The following TTC21B variants were observed in gnomAD, a reference collection of about 807,000 sequenced individuals.
The protein encoded by TTC21B is tetratricopeptide repeat protein 21B.
A neutral mutation model predicts 175.1 loss-of-function variants in TTC21B; 127 were observed. The ratio of observed to expected loss-of-function variants is 0.73; its 90% confidence interval spans 0.63 to 0.84. TTC21B has a LOEUF of 0.84. Among genes scored for constraint, TTC21B ranks in the 40% least tolerant of loss-of-function variants. TTC21B has a pLI of 0.00. For synonymous variants in TTC21B, 524 were observed against 524.5 expected, an observed-to-expected ratio of 1.00 and a Z score of 0.01; for missense variants, 1,561 against 1,558.3, an observed-to-expected ratio of 1.00 and a Z score of -0.03.
chr2:165,937,978 G>C (rs956918991), intron 6 of TTC21B, among the ~76,000 whole-genome samples: 3 of 151,972 alleles, frequency 2.0e-5, no homozygotes, highest in African/African-American at 7.2e-5. Context: ...AAATGAGCCT[G>C]GACAGCTTGT....
chr2:165,889,890 T>A (rs1685129598), intron 24 of TTC21B, among the ~76,000 whole-genome samples: 1 of 152,156 alleles, frequency 6.6e-6, no homozygotes, highest in African/African-American at 2.4e-5. Flanking sequence ...TATGTCCTAA[T>A]ACATTCCCCA....
At position 165,949,636 on chromosome 2, in the gene TTC21B, G is replaced by A. The variant is rs764997588; in HGVS notation, c.110C>T (p.Pro37Leu). 6.2e-7 allele frequency: 1 copy of A among 1,613,526 alleles called. No individual in the cohort carries two copies. Among genetic ancestry groups the A allele is most frequent in the Non-Finnish European group, 8.5e-7 (1 of 1,179,832 alleles). Residue 37 changes from proline to leucine, a missense_variant, in exon 2 of 29, where the codon CCA (proline) becomes CTA (leucine). Pro to Leu is a moderately conservative substitution (Grantham distance 98). Coordinates refer to ENST00000243344, the MANE Select transcript of TTC21B (RefSeq NM_024753.5). ...ATAGGCATGATAAAACCTGAAGACT[G>A]GATCACTTCCATACCTCTTAATTCC... Reference protein sequence around the residue: ...SEGIKRYGSDPVFRFYHAYGT... With the variant: ...SEGIKRYGSDLVFRFYHAYGT...
chr2:165,918,900 C>T (rs7602527), intron 13 of TTC21B, among the ~76,000 whole-genome samples: 23,697 of 152,098 alleles, frequency 0.16, 2,179 homozygotes, highest in East Asian at 0.27. Context: ...AAGAAATAAA[C>T]AGACAATTAT....
At chr2:165,946,451 C>T (rs1001306804) in intron 3 of TTC21B, among the ~76,000 whole-genome samples, 3 of 152,066 alleles carry the variant, frequency 2.0e-5, no homozygotes, top group Non-Finnish European at 4.4e-5. Context: ...AATAAGTTTT[C>T]TAATAACTGA....
intron 4 of TTC21B, among the ~76,000 whole-genome samples, chr2:165,943,948 G>T (rs1687458906): frequency 6.6e-6 from 1 of 151,992 alleles, no homozygotes; most frequent in East Asian, 1.9e-4. Context: ...ATAAAAACTG[G>T]TTATTTTTCT....
At chr2:165,913,909 G>A (rs899757203) in intron 15 of TTC21B, among the ~76,000 whole-genome samples, 8 of 151,872 alleles carry the variant, frequency 5.3e-5, no homozygotes, top group Non-Finnish European at 1.2e-4. Context: ...AAATATCTAG[G>A]TTCTCCTTAT....
intron 6 of TTC21B, among the ~76,000 whole-genome samples, chr2:165,939,463 G>T (rs1687285960): frequency 6.6e-6 from 1 of 152,032 alleles, no homozygotes; most frequent in Non-Finnish European, 1.5e-5. Flanking sequence ...GATTTTAAAG[G>T]TATATTTGTA....
intron 13 of TTC21B, 108 bp downstream of exon 13, chr2:165,919,168 A>T: frequency 7.4e-7 from 1 of 1,360,222 alleles, no homozygotes. Context: ...TTTTCCATTA[A>T]AAATGCAACT....
intron 1 of TTC21B, among the ~76,000 whole-genome samples, chr2:165,950,124 TAA>T (rs3032579): frequency 0.75 from 111,700 of 148,528 alleles, 44,901 homozygotes; most frequent in Non-Finnish European, 0.88. Flanking sequence ...TAGGTTTCTT[TAA>T]AAAAAAAAAT....
intron 24 of TTC21B, among the ~76,000 whole-genome samples, chr2:165,888,817 T>C (rs1685092902): frequency 6.7e-6 from 1 of 150,020 alleles, no homozygotes; most frequent in South Asian, 2.1e-4. Context: ...AATTAACATA[T>C]ATCTATTCAA....
chr2:165,923,737 C>A (rs950468962), intron 12 of TTC21B, among the ~76,000 whole-genome samples: 1 of 142,222 alleles, frequency 7.0e-6, no homozygotes, highest in Non-Finnish European at 1.5e-5. Context: ...CCACCACGCC[C>A]AGCTGGTTTT....
chr2:165,907,658 TCA>T lies in TTC21B; in HGVS notation c.2568+18_2568+19del. On this transcript the variant is annotated intron_variant, in intron 19 of 28. Transcript: ENST00000243344. ...TCCATCTCCTACCTCATGACCACAC[TCA>T]CAGACAAATGTGTTTACCTGTTGTA... 1 of 1,529,218 alleles carries T rather than the reference TCA, an allele frequency of 6.5e-7. No homozygotes were observed. Among genetic ancestry groups the T allele is most frequent in the Non-Finnish European group, 9.0e-7 (1 of 1,105,120 alleles). The allele number at this position is 1,529,218 out of a possible 1,614,324, so 94.7% of individuals were successfully genotyped here. A position where few individuals can be genotyped will look rare whatever the true frequency, so the allele number is the denominator to read the frequency against.
Position 165,938,203 on chromosome 2 carries a change from A to AT in TTC21B, c.710+2823dup, listed in dbSNP as rs76476719. The stretch of plus-strand genomic sequence containing the variant: ...TGAAGGATGCTAAGGAATTCTTGGC[A>AT]TTTTTTTTTTTAAACCTGGAAATAA... On this transcript the variant is annotated intron_variant, in intron 6 of 28. Transcript: ENST00000243344. Among the ~76,000 whole-genome samples, 577 of 148,720 alleles carry AT rather than the reference A, an allele frequency of 3.9e-3. 4 individuals carry two copies. Among genetic ancestry groups the AT allele is most frequent in the Non-Finnish European group, 3.8e-3 (255 of 66,664 alleles).
intron 14 of TTC21B, among the ~76,000 whole-genome samples, chr2:165,916,686 G>A (rs1686187413): frequency 1.3e-5 from 2 of 152,046 alleles, no homozygotes; most frequent in Non-Finnish European, 2.9e-5. Context: ...TACATTCATG[G>A]TAACCAAGAG....
intron 4 of TTC21B, among the ~76,000 whole-genome samples, chr2:165,945,209 G>A (rs1398917395): frequency 6.6e-6 from 1 of 152,060 alleles, no homozygotes; most frequent in East Asian, 1.9e-4. Flanking sequence ...TCAATAAGGA[G>A]AGAGGGAGAA....
At chr2:165,940,229 G>C (rs574380046) in intron 6 of TTC21B, among the ~76,000 whole-genome samples, 1 of 152,220 alleles carries the variant, frequency 6.6e-6, no homozygotes, top group Admixed American at 6.5e-5. Flanking sequence ...CTCAATGATG[G>C]CAACAGCTTT....
chr2:165,923,428 C>T (rs894499846), intron 12 of TTC21B, among the ~76,000 whole-genome samples: 1 of 150,168 alleles, frequency 6.7e-6, no homozygotes, highest in Non-Finnish European at 1.5e-5. Flanking sequence ...TACAGACAAG[C>T]ATAATATGAT....
intron 19 of TTC21B, among the ~76,000 whole-genome samples, chr2:165,904,966 C>A (rs1450078708): frequency 6.6e-6 from 1 of 152,020 alleles, no homozygotes; most frequent in Admixed American, 6.6e-5. Context: ...AAGTAAGCTG[C>A]AAAATCAACA....
intron 1 of TTC21B, 34 bp downstream of exon 1, chr2:165,953,651 G>GCCAGCTCA (rs1553517198): frequency 7.3e-6 from 11 of 1,512,072 alleles, no homozygotes; most frequent in Non-Finnish European, 9.8e-6. Context: ...CCGCCCGCCC[G>GCCAGCTCA]CCCGCTCACC....
Sources: gnomAD v4.1 joint callset for allele counts (sites outside exome capture counted in the v4.1 genomes callset) on GRCh38, gnomAD v4.1.1 for gene constraint, MANE v1.5 for transcripts, NCBI Gene and HGNC (gene_info 2026-07-23, HGNC 2026-07-21) for gene names.